The following MEMO1 variants were observed in gnomAD, a reference collection of about 807,000 sequenced individuals.
MEMO1 encodes protein MEMO1.
Under a neutral mutation model 45.2 loss-of-function variants are expected in MEMO1, and 6 were observed. The observed-to-expected ratio is 0.13, with a 90% confidence interval of 0.07 to 0.26. The LOEUF (loss-of-function observed/expected upper bound fraction) is 0.26. MEMO1 is among the 10% of genes least tolerant of loss of function. MEMO1 has a pLI of 1.00. For synonymous variants in MEMO1, 78 were observed against 124.3 expected (o/e 0.63, Z 2.48); for missense variants, 184 against 370.5 (o/e 0.50, Z 4.13).
chr2:31,969,380 T>C (rs1669021513), intron 2 of MEMO1, among the ~76,000 whole-genome samples: 1 of 149,452 alleles, frequency 6.7e-6, no homozygotes, highest in Non-Finnish European at 1.5e-5. Flanking sequence ...TATATACACA[T>C]GTGTATATAT....
At chr2:31,975,511 T>G (rs1669907547) in intron 2 of MEMO1, among the ~76,000 whole-genome samples, 2 of 152,152 alleles carry the variant, frequency 1.3e-5, no homozygotes, top group South Asian at 4.1e-4. Flanking sequence ...CACCCAGATC[T>G]CAAGAGTACA....
intron 6 of MEMO1, among the ~76,000 whole-genome samples, chr2:31,899,651 A>G (rs577520272): frequency 6.6e-6 from 1 of 152,248 alleles, no homozygotes; most frequent in African/African-American, 2.4e-5. Flanking sequence ...AAAACACCAA[A>G]AGCAATAGCA....
chr2:31,973,150 A>G (rs2148468973), intron 2 of MEMO1, among the ~76,000 whole-genome samples: 1 of 152,276 alleles, frequency 6.6e-6, no homozygotes, highest in East Asian at 1.9e-4. Flanking sequence ...TCTTAGGTAT[A>G]TATCTAAAAG....
intron 2 of MEMO1, among the ~76,000 whole-genome samples, chr2:31,985,535 A>G (rs1572895832): frequency 6.6e-6 from 1 of 152,274 alleles, no homozygotes; most frequent in East Asian, 1.9e-4. Context: ...CATGTTGGCC[A>G]AGTTGGTCGT....
chr2:31,927,388 T>TA (rs1434352187), intron 4 of MEMO1, among the ~76,000 whole-genome samples: 34 of 152,328 alleles, frequency 2.2e-4, no homozygotes, highest in African/African-American at 7.9e-4. Flanking sequence ...TTTAAGAAAC[T>TA]ACCATTTGTT....
At chr2:31,989,882 C>T (rs980284142) in intron 2 of MEMO1, among the ~76,000 whole-genome samples, 3 of 151,996 alleles carry the variant, frequency 2.0e-5, no homozygotes, top group Admixed American at 6.6e-5. Flanking sequence ...TTTGGGAGGC[C>T]GAAGTAGACA....
intron 2 of MEMO1, among the ~76,000 whole-genome samples, chr2:32,004,500 CTAAAAA>C (rs955079126): frequency 2.6e-5 from 4 of 152,244 alleles, no homozygotes; most frequent in African/African-American, 4.8e-5. Context: ...TCCAGAATAA[CTAAAAA>C]TAAAAAGACT....
intron 2 of MEMO1, among the ~76,000 whole-genome samples, chr2:31,962,273 C>T (rs549379642): frequency 1.3e-5 from 2 of 152,232 alleles, no homozygotes; most frequent in South Asian, 2.1e-4. Flanking sequence ...CCTGTAATCC[C>T]AGCTATTCAG....
intron 2 of MEMO1, among the ~76,000 whole-genome samples, chr2:31,954,028 C>A (rs1667136068): frequency 6.6e-6 from 1 of 152,160 alleles, no homozygotes; most frequent in Non-Finnish European, 1.5e-5. Flanking sequence ...ATTTTGACTT[C>A]TAAGATACTT....
chr2:31,907,958 T>A (rs551680301), intron 6 of MEMO1, among the ~76,000 whole-genome samples: 12 of 152,278 alleles, frequency 7.9e-5, no homozygotes, highest in South Asian at 4.1e-4. Context: ...AAGAGAGACA[T>A]CAGAAAAGAG....
At chr2:31,881,676 T>C (rs1675400908) in intron 8 of MEMO1, among the ~76,000 whole-genome samples, 1 of 152,140 alleles carries the variant, frequency 6.6e-6, no homozygotes, top group South Asian at 2.1e-4. Flanking sequence ...TATAGCTCTT[T>C]TTAATAGATA....
chr2:31,957,175 T>TA (rs2148390972), intron 2 of MEMO1, among the ~76,000 whole-genome samples: 1 of 151,340 alleles, frequency 6.6e-6, no homozygotes, highest in Admixed American at 6.6e-5. Context: ...GTGTAACAGT[T>TA]ACTGCATCCT....
At chr2:31,981,204 T>C (rs1210545885) in intron 2 of MEMO1, among the ~76,000 whole-genome samples, 4 of 152,224 alleles carry the variant, frequency 2.6e-5, no homozygotes, top group African/African-American at 9.6e-5. Flanking sequence ...CAGACAGTTC[T>C]TACTACAGCC....
At chr2:32,000,251 C>A (rs555876269) in intron 2 of MEMO1, among the ~76,000 whole-genome samples, 1 of 149,276 alleles carries the variant, frequency 6.7e-6, no homozygotes, top group African/African-American at 2.5e-5. Flanking sequence ...TTTTTTGAGA[C>A]GGAGTTTCAC....
chr2:31,887,746 C>T (rs1196661764), intron 7 of MEMO1, among the ~76,000 whole-genome samples: 1 of 152,002 alleles, frequency 6.6e-6, no homozygotes, highest in Non-Finnish European at 1.5e-5. Flanking sequence ...TCTGCATGTA[C>T]AAATATTTGA....
intron 7 of MEMO1, among the ~76,000 whole-genome samples, chr2:31,883,670 T>C (rs1364243015): frequency 6.6e-6 from 1 of 152,136 alleles, no homozygotes; most frequent in Non-Finnish European, 1.5e-5. Context: ...TGTTTTATGA[T>C]GTTAAGAACT....
intron 2 of MEMO1, among the ~76,000 whole-genome samples, chr2:31,995,607 CAG>C (rs1384723288): frequency 6.7e-6 from 1 of 148,594 alleles, no homozygotes; most frequent in South Asian, 2.1e-4. Flanking sequence ...CAAAAGGAAA[CAG>C]AAAAAAAGGG....
At chr2:31,985,171 T>C (rs1671115082) in intron 2 of MEMO1, among the ~76,000 whole-genome samples, 1 of 152,182 alleles carries the variant, frequency 6.6e-6, no homozygotes, top group African/African-American at 2.4e-5. Context: ...CAGTAAAACA[T>C]GGTCCCCACT....
chr2:31,878,310 C>G (rs1371478514), intron 8 of MEMO1, among the ~76,000 whole-genome samples: 1 of 152,168 alleles, frequency 6.6e-6, no homozygotes, highest in African/African-American at 2.4e-5. Flanking sequence ...ACTGTAAAGA[C>G]ACTGGCTTTT....
Sources: allele counts gnomAD v4.1 joint callset (sites outside exome capture counted in the v4.1 genomes callset), GRCh38; gene constraint gnomAD v4.1.1; transcripts MANE v1.5; gene names NCBI Gene and HGNC (gene_info 2026-07-23, HGNC 2026-07-21).